The following RPS6KA4 variants were observed in gnomAD, a reference collection of about 807,000 sequenced individuals.
The protein encoded by RPS6KA4 is ribosomal protein S6 kinase alpha-4.
Under a neutral mutation model 89.6 loss-of-function variants are expected in RPS6KA4, and 38 were observed. The ratio of observed to expected loss-of-function variants is 0.42; its 90% CI spans 0.33 to 0.56. RPS6KA4 has a LOEUF of 0.56. Ranked by LOEUF, RPS6KA4 falls within the 20% of genes least tolerant of loss-of-function variation. The probability of loss-of-function intolerance (pLI) is 0.07; values close to 1 mark genes in which losing one functional copy is unlikely to be tolerated. For missense variants in RPS6KA4, 873 were observed against 1,098.8 expected, an observed-to-expected ratio of 0.79 and a Z score of 2.90; for synonymous variants, 495 against 492.8, an observed-to-expected ratio of 1.00 and a Z score of -0.06.
intron 8 of RPS6KA4, among the ~76,000 whole-genome samples, chr11:64,363,216 A>G (rs1034689652): frequency 8.5e-5 from 13 of 152,194 alleles, no homozygotes; most frequent in African/African-American, 3.1e-4. Context: ...TCATACTTCG[A>G]GTGCCATCTC....
At chr11:64,366,736 C>T (rs1044392759) in intron 9 of RPS6KA4, among the ~76,000 whole-genome samples, 3 of 152,230 alleles carry the variant, frequency 2.0e-5, no homozygotes, top group African/African-American at 7.2e-5. Flanking sequence ...TTTTAGGCCT[C>T]CTTGTCTGCT....
chr11:64,368,250 C>T lies in RPS6KA4; in HGVS notation c.1190C>T (p.Ala397Val), dbSNP rs1464523089. Reference protein sequence around the residue: ...RPGRAAVARSAMMQDSPFFQQ... With the variant: ...RPGRAAVARSVMMQDSPFFQQ... ...GGTCGGGCAGCGGTGGCCAGGAGCG[C>T]TATGATGCAGGTGGGCTGGGCTGGG... Residue 397 changes from alanine to valine, a missense_variant, in exon 10 of 17, where the codon GCT becomes GTT. This residue lies in a region of RPS6KA4 where 542 missense variants were observed against 736.4 expected (regional missense o/e 0.74). Coordinates refer to ENST00000334205, the MANE Select transcript of RPS6KA4 (RefSeq NM_003942.3). The T allele has an allele frequency of 6.2e-7, 1 of 1,605,620 alleles. No individual in the cohort carries two copies. The highest frequency in any genetic ancestry group is 2.2e-5 in the East Asian group (1 of 44,824).
chr11:64,368,320 G>A, intron 10 of RPS6KA4, 60 bp downstream of exon 10: 1 of 1,586,852 alleles, frequency 6.3e-7, no homozygotes, highest in South Asian at 1.1e-5. Context: ...TAGGCCCGGG[G>A]ACTCTAGGCC....
rs748435260 is a variant in RPS6KA4, at chr11:64,369,529, G to A, written c.1512G>A (p.Ser504=). The change falls in exon 13 of 17, where the codon TCG becomes TCA. Residue 504 remains serine (S), a synonymous_variant. Coordinates refer to ENST00000334205, the MANE Select transcript of RPS6KA4 (RefSeq NM_003942.3). ...GCAAGAAGCGGCACTTCAGCGAGTC[G>A]GAAGCAAGCCAGATCCTGCGCAGCC... ...HIRKKRHFSE[S]EASQILRSLV... 14 of 1,608,978 alleles carry A rather than the reference G, an allele frequency of 8.7e-6. No homozygotes were observed. The highest frequency in any genetic ancestry group is 1.1e-5 in the Non-Finnish European group (13 of 1,178,486).
At chr11:64,366,052 A>G (rs545307628) in intron 9 of RPS6KA4, among the ~76,000 whole-genome samples, 44 of 151,994 alleles carry the variant, frequency 2.9e-4, no homozygotes, top group African/African-American at 8.7e-4. Context: ...AAAAAAAAAA[A>G]AGAGATCTTC....
chr11:64,365,262 C>T, intron 8 of RPS6KA4, 39 bp from the exon 9 acceptor site: 1 of 1,596,384 alleles, frequency 6.3e-7, no homozygotes, highest in Non-Finnish European at 8.6e-7. Context: ...TTTCTCGTTC[C>T]TGGCCTTTGA....
chr11:64,362,090 C>T, intron 8 of RPS6KA4, 88 bp downstream of exon 8: 3 of 1,456,462 alleles, frequency 2.1e-6, no homozygotes, highest in Non-Finnish European at 2.8e-6. Context: ...GCCAGTTTCA[C>T]TTTATTTGGA....
At position 64,370,014 on chromosome 11, in the gene RPS6KA4, A is replaced by C; in HGVS notation, c.1797+121A>C. ...GGTGGGGGCGGCTGGGTTTCGTCCG[A>C]AGCTGGGATCGGGGTGGTTCAAATA... On this transcript the variant is annotated intron_variant, in intron 14 of 16. Coordinates refer to ENST00000334205, the MANE Select transcript of RPS6KA4 (RefSeq NM_003942.3). The surrounding 1 kb of genome is among the most constrained non-coding windows in gnomAD (Gnocchi z 4.1). 8.3e-7 allele frequency: 1 copy of C among 1,198,392 alleles called. No homozygotes were observed. Among genetic ancestry groups the C allele is most frequent in the Non-Finnish European group, 1.1e-6 (1 of 885,624 alleles). 74.2% of individuals were successfully genotyped at this position (1,198,392 alleles called of 1,614,324 possible).
rs771721611 is a variant in RPS6KA4 at position 64,360,371 on chromosome 11, C to T, written c.336C>T (p.His112=). The T allele has an allele frequency of 6.4e-6, 10 of 1,550,442 alleles. 1 individual carries two copies. In the South Asian group the frequency reaches 7.2e-5, roughly 11 times the overall value. The change falls in exon 3 of 17, where the codon CAC becomes CAT. Residue 112 remains histidine (H), a synonymous_variant. Transcript: ENST00000334205. ...HYAFQTDAKL[H]LILDYVSGGE... is the part of the protein sequence containing the mutation. ...CTTTCCAGACGGATGCCAAGCTGCA[C>T]CTCATCCTGGGTGAGCGCACACCAC...
In RPS6KA4 at chr11:64,361,759, G is replaced by A. The variant is rs2036756978; in HGVS notation, c.755+14G>A. 1.3e-6 allele frequency: 2 copies of A among 1,594,052 alleles called. No homozygotes were observed. The highest frequency in any genetic ancestry group is 1.7e-6 in the Non-Finnish European group (2 of 1,172,220). ...TGAGGTGTCTCGGTGAGTAGGGCTG[G>A]ACGTGGAGGGCGGCCAGAGGGCTGC... is the stretch of plus-strand genomic sequence containing the variant. On this transcript the variant is annotated intron_variant, in intron 7 of 16. Transcript: ENST00000334205. This position sits in a 1 kb window ranked among gnomAD's most constrained non-coding sequence, Gnocchi z 4.7.
At position 64,370,793 on chromosome 11, in the gene RPS6KA4, C is replaced by T; in HGVS notation, c.2121+67C>T. On this transcript the variant is annotated intron_variant, in intron 16 of 16. Transcript: ENST00000334205. This position sits in a 1 kb window ranked among gnomAD's most constrained non-coding sequence, Gnocchi z 4.1. Reference sequence around the variant, plus strand: ...CTCGAGAGGTGGGGTCTGGGGAGGCCCGGCCATCGGAGCACAGAAAGGCGA... The same window carrying T: ...CTCGAGAGGTGGGGTCTGGGGAGGCTCGGCCATCGGAGCACAGAAAGGCGA... The T allele has an allele frequency of 6.9e-7, 1 of 1,444,182 alleles. No homozygotes were observed. The highest frequency in any genetic ancestry group is 9.1e-7 in the Non-Finnish European group (1 of 1,098,412). 89.5% of individuals were successfully genotyped at this position (1,444,182 alleles called of 1,614,324 possible).
rs749809172 is a variant in RPS6KA4 at position 64,361,698 on chromosome 11, G to A, written c.708G>A (p.Ser236=). The change falls in exon 7 of 17, where the codon TCG becomes TCA. Residue 236 remains serine (S), a synonymous_variant. Coordinates refer to ENST00000334205, the MANE Select transcript of RPS6KA4 (RefSeq NM_003942.3). This position sits in a 1 kb window ranked among gnomAD's most constrained non-coding sequence, Gnocchi z 4.7. The part of the protein sequence containing the change: ...ILLFELLTGA[S]PFTLEGERNT... ...TCTTCGAGCTGCTGACGGGGGCCTC[G>A]CCCTTCACCCTGGAGGGCGAGAGGA... is the stretch of plus-strand genomic sequence containing the variant. 21 of 1,611,934 alleles carry A rather than the reference G, an allele frequency of 1.3e-5. No homozygotes were observed. The highest frequency in any genetic ancestry group is 1.7e-5 in the Non-Finnish European group (20 of 1,179,630).
rs375263946 is a variant in RPS6KA4 at position 64,359,424 on chromosome 11, G to A, written c.102G>A (p.Glu34=). ...AGAAGGTGAGCGTGGAGAACTTCGA[G>A]CTGCTCAAGGTGCTGGGCACGGGAG... is the stretch of plus-strand genomic sequence containing the variant. ...HEEKVSVENF[E]LLKVLGTGAY... Residue 34 remains glutamate (E), a synonymous_variant, in exon 2 of 17, where the codon GAG becomes GAA. Transcript: ENST00000334205. The A allele has an allele frequency of 2.2e-4, 359 of 1,613,738 alleles. 2 individuals are homozygous for A. In the South Asian group the frequency reaches 3.7e-3, roughly 17 times the overall value.
intron 12 of RPS6KA4, 144 bp downstream of exon 12, chr11:64,368,941 T>A (rs1591318911): frequency 2.6e-6 from 2 of 777,356 alleles, no homozygotes; most frequent in African/African-American, 3.6e-5. Context: ...GCGCAGGGAG[T>A]GGAATTTGAG....
chr11:64,363,065 T>G (rs1554968860), intron 8 of RPS6KA4, among the ~76,000 whole-genome samples: 2 of 152,230 alleles, frequency 1.3e-5, no homozygotes, highest in Non-Finnish European at 1.5e-5. Context: ...GGAGCTCAGA[T>G]TCAACCCAAG....
chr11:64,370,651 G>A lies in RPS6KA4; in HGVS notation c.2046G>A (p.Ser682=), dbSNP rs2037038861. The change falls in exon 16 of 17, where the codon TCG becomes TCA. Residue 682 remains serine (S), a synonymous_variant. Coordinates refer to ENST00000334205, the MANE Select transcript of RPS6KA4 (RefSeq NM_003942.3). The surrounding 1 kb of genome is among the most constrained non-coding windows in gnomAD (Gnocchi z 4.1). ...TGCAGGACGGCAGCGCGCGCTCCTC[G>A]CCCCCGCTCCGGACGCCCGACGTGC... is the stretch of plus-strand genomic sequence containing the variant. ...SWLQDGSARS[S]PPLRTPDVLE... is the part of the protein sequence containing the mutation. The A allele has an allele frequency of 1.3e-6, 2 of 1,572,012 alleles. No homozygotes were observed. The highest frequency in any genetic ancestry group is 1.7e-6 in the Non-Finnish European group (2 of 1,165,870).
Position 64,360,377 on chromosome 11 carries a change from C to T in RPS6KA4, c.342C>T (p.Ile114=), listed in dbSNP as rs1016567128. The part of the protein sequence containing the change: ...AFQTDAKLHL[I]LDYVSGGEMF... ...AGACGGATGCCAAGCTGCACCTCATCCTGGGTGAGCGCACACCACATCCCA... is the reference window on the plus strand; with the variant it reads ...AGACGGATGCCAAGCTGCACCTCATTCTGGGTGAGCGCACACCACATCCCA... The change falls in exon 3 of 17, where the codon ATC becomes ATT. Residue 114 remains isoleucine, a synonymous_variant. Transcript: ENST00000334205. The T allele has an allele frequency of 2.6e-6, 4 of 1,550,566 alleles. No homozygotes were observed. The highest frequency in any genetic ancestry group is 3.9e-5 in the Admixed American group (2 of 51,164).
At chr11:64,367,591 G>A (rs767680292) in intron 9 of RPS6KA4, among the ~76,000 whole-genome samples, 2 of 152,176 alleles carry the variant, frequency 1.3e-5, no homozygotes, top group Non-Finnish European at 1.5e-5. Context: ...GATTACAGGC[G>A]CAAGCCACCG....
intron 4 of RPS6KA4, 179 bp from the exon 5 acceptor site, chr11:64,360,955 T>TTTATATCC (rs2036730067): frequency 1.7e-6 from 1 of 583,576 alleles, no homozygotes; most frequent in Non-Finnish European, 3.0e-6. Context: ...CACGGGGCCC[T>TTTATATCC]CCTTCTTTGT....
Sources: allele counts gnomAD v4.1 joint callset (sites outside exome capture counted in the v4.1 genomes callset), GRCh38; gene constraint gnomAD v4.1.1; regional missense constraint gnomAD v4.1.1; non-coding constraint Gnocchi (gnomAD v3.1); transcripts MANE v1.5; gene names NCBI Gene and HGNC (gene_info 2026-07-23, HGNC 2026-07-21).